The following LSM4 variants were observed in gnomAD, a reference collection of about 807,000 sequenced individuals.
The protein encoded by LSM4 is U6 snRNA-associated Sm-like protein LSm4.
A neutral mutation model predicts 22.3 loss-of-function variants in LSM4; 15 were observed. The observed-to-expected ratio is 0.67, with a 90% CI of 0.45 to 1.03. The LOEUF is 1.03. Among genes scored for constraint, LSM4 ranks in the 50% least tolerant of loss-of-function variants. The pLI is 0.00. For synonymous variants in LSM4, 90 were observed against 79.8 expected (o/e 1.13, Z -0.68); for missense variants, 127 against 198.0 (o/e 0.64, Z 2.15).
At chr19:18,312,011 C>T (rs897803416) in intron 3 of LSM4, among the ~76,000 whole-genome samples, 1 of 152,174 alleles carries the variant, frequency 6.6e-6, no homozygotes, top group Non-Finnish European at 1.5e-5. Context: ...GCCTTCAGCA[C>T]CATCCCTGGC....
intron 2 of LSM4, 110 bp from the exon 3 acceptor site, chr19:18,312,812 C>A (rs2148140257): frequency 1.3e-6 from 1 of 785,002 alleles, no homozygotes; most frequent in Non-Finnish European, 2.2e-6. Flanking sequence ...CGGGCCTCAG[C>A]CCACAGTTCC....
At chr19:18,311,999 C>G (rs1220773094) in intron 3 of LSM4, among the ~76,000 whole-genome samples, 1 of 152,168 alleles carries the variant, frequency 6.6e-6, no homozygotes, top group East Asian at 1.9e-4. Flanking sequence ...AAGGGAGCCG[C>G]TGCCTTCAGC....
At chr19:18,312,803 G>A (rs575240113) in intron 2 of LSM4, 101 bp from the exon 3 acceptor site, 11 of 871,006 alleles carry the variant, frequency 1.3e-5, no homozygotes, top group South Asian at 5.8e-5. Flanking sequence ...CACCACCTCC[G>A]GGCCTCAGCC....
At chr19:18,320,036 A>T (rs575290691) in intron 1 of LSM4, among the ~76,000 whole-genome samples, 2 of 152,314 alleles carry the variant, frequency 1.3e-5, no homozygotes, top group South Asian at 4.1e-4. Flanking sequence ...CCCCACAGGT[A>T]AGGGAAGGAG....
intron 1 of LSM4, among the ~76,000 whole-genome samples, chr19:18,320,835 G>A (rs1393383365): frequency 2.6e-5 from 4 of 152,072 alleles, no homozygotes. Context: ...GAAAAAAAGT[G>A]CCAAGTGTGA....
At chr19:18,314,169 A>C (rs991123382) in intron 2 of LSM4, among the ~76,000 whole-genome samples, 1 of 152,200 alleles carries the variant, frequency 6.6e-6, no homozygotes, top group African/African-American at 2.4e-5. Flanking sequence ...GAATGTTCAC[A>C]GTGACACTGT....
chr19:18,310,382 G>A (rs939283235), intron 3 of LSM4, among the ~76,000 whole-genome samples: 21 of 152,242 alleles, frequency 1.4e-4, no homozygotes, highest in Non-Finnish European at 2.4e-4. Context: ...TGCGCTGGGT[G>A]CAGGGACATG....
chr19:18,314,369 CA>C (rs1469830190), intron 2 of LSM4, among the ~76,000 whole-genome samples: 1 of 150,996 alleles, frequency 6.6e-6, no homozygotes, highest in Non-Finnish European at 1.5e-5. Flanking sequence ...AAAAAAAATA[CA>C]AAAAAAATTA....
chr19:18,311,537 T>C (rs913427797), intron 3 of LSM4, among the ~76,000 whole-genome samples: 3 of 152,142 alleles, frequency 2.0e-5, no homozygotes, highest in East Asian at 3.9e-4. Flanking sequence ...AGACCGCACA[T>C]GCTCACGCAC....
chr19:18,312,431 G>A, intron 3 of LSM4, 173 bp downstream of exon 3: 2 of 559,564 alleles, frequency 3.6e-6, no homozygotes, highest in Non-Finnish European at 6.4e-6. Context: ...GGCACACTGG[G>A]AGACTTGGTG....
chr19:18,316,920 T>C (rs775430080), intron 1 of LSM4, among the ~76,000 whole-genome samples: 7 of 152,242 alleles, frequency 4.6e-5, no homozygotes, highest in Admixed American at 1.3e-4. Flanking sequence ...ACATCTGAGC[T>C]GGTTTTATTT....
chr19:18,322,483 A>G (rs1009307213), intron 1 of LSM4, among the ~76,000 whole-genome samples: 3 of 152,080 alleles, frequency 2.0e-5, no homozygotes, highest in African/African-American at 7.2e-5. Flanking sequence ...ATGCTATGTG[A>G]CCCAAGGAGA....
chr19:18,309,445 A>C (rs2148137653), intron 4 of LSM4: 2 of 540,864 alleles, frequency 3.7e-6, no homozygotes, highest in African/African-American at 2.0e-5. Context: ...AGGCTTGGGG[A>C]GGTGACTTGA....
At chr19:18,311,751 C>T (rs2148139494) in intron 3 of LSM4, among the ~76,000 whole-genome samples, 1 of 152,262 alleles carries the variant, frequency 6.6e-6, no homozygotes, top group Middle Eastern at 3.4e-3. Context: ...ACCACCTGTC[C>T]CCACCCCGCC....
At chr19:18,321,322 C>T (rs1214788756) in intron 1 of LSM4, among the ~76,000 whole-genome samples, 3 of 152,234 alleles carry the variant, frequency 2.0e-5, no homozygotes, top group East Asian at 1.9e-4. Context: ...TCTAAGTACA[C>T]CGCAGAGAGG....
In LSM4 at chr19:18,322,277, G is replaced by A. The variant is rs185704498; in HGVS notation, c.3+741C>T. Among the ~76,000 whole-genome samples the A allele has an allele frequency of 3.3e-3, 502 of 152,296 alleles. 1 individual carries two copies. The highest frequency in any genetic ancestry group is 5.3e-3 in the Non-Finnish European group (363 of 68,022). ...AGAAGGACCAGAAGCTGATGGGCCA[G>A]GAAACTCCCAGCTCTGAATTCCTTT... On this transcript the variant is annotated intron_variant, in intron 1 of 4. Coordinates refer to ENST00000593829, the MANE Select transcript of LSM4 (RefSeq NM_012321.5).
intron 3 of LSM4, 134 bp from the exon 4 acceptor site, chr19:18,309,995 G>A (rs975664392): frequency 2.0e-5 from 16 of 810,168 alleles, no homozygotes; most frequent in African/African-American, 1.7e-4. Flanking sequence ...TATCAGTCCC[G>A]GGACATACGT....
At chr19:18,309,631 GGCTGTCTTCCC>G (rs781609550) in intron 4 of LSM4, 36 bp downstream of exon 4, 1 of 1,529,574 alleles carries the variant, frequency 6.5e-7, no homozygotes, top group Non-Finnish European at 8.8e-7. Flanking sequence ...TGCCACGTGT[GGCTGTCTTCCC>G]GCCCCAGGTA....
In LSM4 at chr19:18,319,804, G is replaced by A. The variant is rs534527178; in HGVS notation, c.3+3214C>T. Among the ~76,000 whole-genome samples the A allele has an allele frequency of 1.1e-3, 169 of 152,288 alleles. 1 individual carries two copies. Among genetic ancestry groups the A allele is most frequent in the Non-Finnish European group, 1.7e-3 (118 of 68,020 alleles). On this transcript the variant is annotated intron_variant, in intron 1 of 4. Transcript: ENST00000593829. ...AATGGCCACCCTCTGCCTCATGGGT[G>A]TTTGTTTCCATCATAGGATGCAGCC... is the stretch of plus-strand genomic sequence containing the variant.
Sources: gnomAD v4.1 joint callset for allele counts (sites outside exome capture counted in the v4.1 genomes callset) on GRCh38, gnomAD v4.1.1 for gene constraint, MANE v1.5 for transcripts, NCBI Gene and HGNC (gene_info 2026-07-23, HGNC 2026-07-21) for gene names.